Variants in NTM observed in about 807,000 individuals in gnomAD.
The protein encoded by NTM is IgLON family member 2.
In NTM, 13 loss-of-function variants were observed where a neutral mutation model predicts 42.1. That is an observed-to-expected ratio of 0.31 (90% CI 0.20 to 0.49). The LOEUF is 0.49. NTM is among the 20% of genes least tolerant of loss of function. The pLI, the probability that NTM is intolerant of heterozygous loss-of-function variation, is 0.99. For missense variants in NTM, 373 were observed against 452.8 expected, an observed-to-expected ratio of 0.82 and a Z score of 1.60; for synonymous variants, 187 against 179.2, an observed-to-expected ratio of 1.04 and a Z score of -0.35.
intron 1 of NTM, among the ~76,000 whole-genome samples, chr11:131,908,363 C>A (rs1348153107): frequency 6.6e-6 from 1 of 152,290 alleles, no homozygotes; most frequent in Non-Finnish European, 1.5e-5. Flanking sequence ...TATATGTAGG[C>A]CCCTCGGGAA....
Position 131,370,624 on chromosome 11 carries a change from G to A in NTM, c.-183G>A. On this transcript the variant is annotated 5_prime_UTR_variant, in exon 1 of 9. It adds an upstream start codon to the 5' untranslated region. Coordinates refer to ENST00000683400, the MANE Select transcript of NTM (RefSeq NM_001352005.2). ...AATGTGTCTCAGTGCCAGAGTATGA[G>A]TGGAGATAATTACGGAGAAGTCATA... 1 of 602,704 alleles carries A rather than the reference G, an allele frequency of 1.7e-6. No individual in the cohort carries two copies. The highest frequency in any genetic ancestry group is 2.9e-6 in the Non-Finnish European group (1 of 341,292). 37.3% of individuals were successfully genotyped at this position (602,704 alleles called of 1,614,324 possible). A position where few individuals can be genotyped will look rare whatever the true frequency, so the allele number is the denominator to read the frequency against.
intron 1 of NTM, among the ~76,000 whole-genome samples, chr11:131,905,192 C>T (rs759117555): frequency 2.6e-5 from 4 of 152,178 alleles, no homozygotes; most frequent in Non-Finnish European, 5.9e-5. Context: ...CACTATTTTA[C>T]AGATTAGATT....
intron 1 of NTM, among the ~76,000 whole-genome samples, chr11:131,394,896 C>G (rs1467886469): frequency 6.6e-6 from 1 of 152,188 alleles, no homozygotes; most frequent in Admixed American, 6.5e-5. Context: ...GGGAATGAAA[C>G]AGTAAATAAA....
At chr11:131,976,940 C>A (rs1041341615) in intron 2 of NTM, among the ~76,000 whole-genome samples, 1 of 152,134 alleles carries the variant, frequency 6.6e-6, no homozygotes, top group Non-Finnish European at 1.5e-5. Flanking sequence ...TGAAAAATAT[C>A]GGTGTGTGTG....
In NTM at chr11:132,266,695, T is replaced by C. The variant is rs80129745; in HGVS notation, c.527-40994T>C. On this transcript the variant is annotated intron_variant, in intron 4 of 8. Coordinates refer to ENST00000683400, the MANE Select transcript of NTM (RefSeq NM_001352005.2). ...AGAGAATCCAAGTGCCCTAGATCTT[T>C]CTGAAGTTTTGATTTTTGTTGATAG... 3.3e-3 allele frequency among the ~76,000 whole-genome samples: 505 copies of C among 152,318 alleles called. 7 individuals are homozygous for C. In the East Asian group the frequency reaches 0.042, roughly 13 times the overall value.
At chr11:132,304,312 G>A (rs112430983) in intron 4 of NTM, among the ~76,000 whole-genome samples, 50 of 152,014 alleles carry the variant, frequency 3.3e-4, no homozygotes, top group Middle Eastern at 6.8e-3. Flanking sequence ...GCTGTTGACC[G>A]TGAAGTTTCT....
chr11:132,023,555 G>A (rs1261743643), intron 2 of NTM, among the ~76,000 whole-genome samples: 4 of 152,126 alleles, frequency 2.6e-5, no homozygotes, highest in African/African-American at 7.2e-5. Flanking sequence ...GTTTGCGCCC[G>A]CTCCAGTGTC....
At chr11:131,853,991 C>G (rs1284458287) in intron 1 of NTM, among the ~76,000 whole-genome samples, 3 of 152,204 alleles carry the variant, frequency 2.0e-5, no homozygotes, top group Non-Finnish European at 2.9e-5. Context: ...GCTAGTAATA[C>G]AGATTATACA....
chr11:132,314,935 AAGT>A (rs1265946196), intron 7 of NTM: 1 of 1,292,266 alleles, frequency 7.7e-7, no homozygotes, highest in African/African-American at 1.5e-5. Context: ...CATGTATACA[AAGT>A]AGTATATGTA....
chr11:131,652,825 T>C (rs1049193627), intron 1 of NTM, among the ~76,000 whole-genome samples: 1 of 152,172 alleles, frequency 6.6e-6, no homozygotes, highest in African/African-American at 2.4e-5. Flanking sequence ...GTCGGGGCAC[T>C]CCAGACCCTC....
chr11:132,283,474 C>T (rs1359661268), intron 4 of NTM, among the ~76,000 whole-genome samples: 4 of 152,114 alleles, frequency 2.6e-5, no homozygotes, highest in Admixed American at 2.6e-4. Context: ...GGTGCCTCAT[C>T]GTCTTTGTCA....
intron 2 of NTM, among the ~76,000 whole-genome samples, chr11:132,074,438 TA>T (rs545783400): frequency 2.0e-5 from 3 of 152,176 alleles, no homozygotes; most frequent in Admixed American, 1.3e-4. Context: ...AGATATTTCA[TA>T]AAAAAATGGA....
rs537987287 is a variant in NTM at position 131,449,102 on chromosome 11, C to A, written c.82+78214C>A. On this transcript the variant is annotated intron_variant, in intron 1 of 8. Transcript: ENST00000683400. Reference sequence around the variant, plus strand: ...AGGGAAGGGGAAGAAGGGAGGGTCTCTGGTGCTTCTGAGCTATAAATTGGC... The same window carrying A: ...AGGGAAGGGGAAGAAGGGAGGGTCTATGGTGCTTCTGAGCTATAAATTGGC... Among the ~76,000 whole-genome samples, 9 of 152,330 alleles carry A rather than the reference C, an allele frequency of 5.9e-5. No individual in the cohort carries two copies. In the East Asian group the frequency reaches 1.7e-3, roughly 29 times the overall value.
intron 1 of NTM, among the ~76,000 whole-genome samples, chr11:131,587,683 C>A (rs1322056331): frequency 6.6e-6 from 1 of 152,124 alleles, no homozygotes; most frequent in African/African-American, 2.4e-5. Flanking sequence ...ATAACACACA[C>A]CTGCATGAGT....
chr11:132,075,515 ATTGGT>A, intron 2 of NTM, among the ~76,000 whole-genome samples: 1 of 152,212 alleles, frequency 6.6e-6, no homozygotes, highest in South Asian at 2.1e-4. Flanking sequence ...TTTGTCTTTT[ATTGGT>A]TGTTTTATAC....
intron 1 of NTM, among the ~76,000 whole-genome samples, chr11:131,606,228 A>G (rs1377961149): frequency 1.3e-5 from 2 of 152,066 alleles, no homozygotes; most frequent in Non-Finnish European, 2.9e-5. Context: ...ATTTAAAAAA[A>G]TTTGTTTTGT....
intron 4 of NTM, among the ~76,000 whole-genome samples, chr11:132,234,711 T>C (rs534485319): frequency 2.5e-4 from 38 of 152,346 alleles, no homozygotes; most frequent in Non-Finnish European, 4.3e-4. Context: ...AGAGATTTCT[T>C]TTCTATTGAG....
chr11:131,966,747 C>G (rs920329747), intron 2 of NTM, among the ~76,000 whole-genome samples: 5 of 152,218 alleles, frequency 3.3e-5, no homozygotes, highest in South Asian at 2.1e-4. Flanking sequence ...CTCACCATGA[C>G]AGAAACAGGA....
intron 4 of NTM, among the ~76,000 whole-genome samples, chr11:132,256,899 G>T (rs1037916022): frequency 2.6e-5 from 4 of 152,162 alleles, no homozygotes; most frequent in Non-Finnish European, 5.9e-5. Flanking sequence ...TTGTCTGGCT[G>T]CATTTCTGCA....
Sources: allele counts gnomAD v4.1 joint callset (sites outside exome capture counted in the v4.1 genomes callset), GRCh38; gene constraint gnomAD v4.1.1; transcripts MANE v1.5; gene names NCBI Gene and HGNC (gene_info 2026-07-23, HGNC 2026-07-21).